Variants in CEMIP2 observed in about 807,000 individuals in gnomAD.
CEMIP2 encodes the protein cell migration inducing hyaluronidase 2.
In CEMIP2, 79 loss-of-function variants were observed where a neutral mutation model predicts 146.9. The observed-to-expected ratio is 0.54, with a 90% confidence interval of 0.45 to 0.65. CEMIP2 has a LOEUF of 0.65. CEMIP2 is among the 30% of genes least tolerant of loss of function. The pLI is 0.00. For synonymous variants in CEMIP2, 601 were observed against 606.3 expected (o/e 0.99, Z 0.13); for missense variants, 1,596 against 1,696.2 (o/e 0.94, Z 1.04).
intron 1 of CEMIP2, among the ~76,000 whole-genome samples, chr9:71,766,556 G>C (rs979705938): frequency 2.0e-5 from 3 of 152,152 alleles, no homozygotes; most frequent in African/African-American, 7.2e-5. Context: ...ATTAGAACAT[G>C]ACTGAAGTGT....
At chr9:71,729,401 C>T (rs1454020658) in intron 10 of CEMIP2, among the ~76,000 whole-genome samples, 2 of 151,806 alleles carry the variant, frequency 1.3e-5, no homozygotes, top group African/African-American at 4.8e-5. Flanking sequence ...AGGCAGATCA[C>T]GAGGTCAGGA....
rs1822002381 is a variant in CEMIP2, at chr9:71,684,719, C to G, written c.*478G>C. On this transcript the variant is annotated 3_prime_UTR_variant, in exon 24 of 24. Coordinates refer to ENST00000377044, the MANE Select transcript of CEMIP2 (RefSeq NM_013390.3). The stretch of plus-strand genomic sequence containing the variant: ...GTCATTCAATATCATAGAAAATCCT[C>G]AAAGGCTGCCCAGAAACAGGGCCCC... 1 of 153,818 alleles carries G rather than the reference C, an allele frequency of 6.5e-6. No homozygotes were observed. The highest frequency in any genetic ancestry group is 1.5e-5 in the Non-Finnish European group (1 of 68,908). The allele number at this position is 153,818 out of a possible 1,614,324, so 9.5% of individuals were successfully genotyped here.
intron 5 of CEMIP2, among the ~76,000 whole-genome samples, chr9:71,736,966 G>A (rs1471602324): frequency 1.3e-5 from 2 of 151,844 alleles, no homozygotes; most frequent in African/African-American, 2.4e-5. Flanking sequence ...ACTGAGTCCA[G>A]GAGACCAGCC....
chr9:71,726,250 G>T (rs141623565), intron 10 of CEMIP2, among the ~76,000 whole-genome samples: 70 of 152,218 alleles, frequency 4.6e-4, no homozygotes, highest in African/African-American at 1.6e-3. Context: ...ACTGTCTCAG[G>T]CTGGGCCCTG....
chr9:71,691,018 G>A (rs993189997), intron 21 of CEMIP2, among the ~76,000 whole-genome samples: 5 of 152,184 alleles, frequency 3.3e-5, no homozygotes, highest in African/African-American at 1.2e-4. Context: ...AAATTATAAA[G>A]TATGCTAAAG....
chr9:71,688,103 C>T (rs749191427), intron 22 of CEMIP2, among the ~76,000 whole-genome samples: 4 of 152,196 alleles, frequency 2.6e-5, no homozygotes, highest in Non-Finnish European at 2.9e-5. Context: ...GCAATCGTCC[C>T]GCCATGGCCT....
chr9:71,695,496 G>A (rs967746075), intron 20 of CEMIP2, among the ~76,000 whole-genome samples: 4 of 152,070 alleles, frequency 2.6e-5, no homozygotes, highest in Admixed American at 6.6e-5. Context: ...TCAACATGGC[G>A]AACTCCAGCC....
Position 71,767,964 on chromosome 9 carries a change from C to T in CEMIP2, c.-13+393G>A, listed in dbSNP as rs142639655. 2.9e-3 allele frequency among the ~76,000 whole-genome samples: 448 copies of T among 152,290 alleles called. 1 individual carries two copies. Among genetic ancestry groups the T allele is most frequent in the Middle Eastern group, 0.01 (3 of 294 alleles). ...GTAATCGGCTTACTGTGGGGTTTAT[C>T]CCCTCACCCCATCCCTCTCCAGAAA... is the stretch of plus-strand genomic sequence containing the variant. On this transcript the variant is annotated intron_variant, in intron 1 of 23. Coordinates refer to ENST00000377044, the MANE Select transcript of CEMIP2 (RefSeq NM_013390.3).
chr9:71,762,836 C>A (rs966125918), intron 1 of CEMIP2, among the ~76,000 whole-genome samples: 17 of 151,944 alleles, frequency 1.1e-4, no homozygotes, highest in African/African-American at 4.1e-4. Context: ...CATGGTGAAA[C>A]CCTATCTCTA....
chr9:71,708,879 A>T (rs1822828010), intron 17 of CEMIP2, among the ~76,000 whole-genome samples: 1 of 152,118 alleles, frequency 6.6e-6, no homozygotes. Context: ...GAGATTACTG[A>T]CCCCAAAAGC....
At position 71,730,039 on chromosome 9, in the gene CEMIP2, A is replaced by G. The variant is rs150360398; in HGVS notation, c.1979+9T>C. ...GACTCATGGGTTTTTCTCTCCGCCA[A>G]TTACTCACATACAGTCAGTAGCAGG... is the stretch of plus-strand genomic sequence containing the variant. On this transcript the variant is annotated intron_variant, in intron 9 of 23. Transcript: ENST00000377044. The G allele has an allele frequency of 2.9e-3, 4,739 of 1,614,090 alleles. 18 individuals are homozygous for G. The highest frequency in any genetic ancestry group is 3.4e-3 in the Non-Finnish European group (4,034 of 1,179,972).
Position 71,717,922 on chromosome 9 carries a change from A to G in CEMIP2, c.2399+26T>C, listed in dbSNP as rs1244984414. The G allele has an allele frequency of 4.4e-6, 7 of 1,591,044 alleles. No homozygotes were observed. In the African/African-American group the frequency reaches 6.8e-5, roughly 15 times the overall value. ...AAAAATAATACATCAGTGTCATCAT[A>G]TAATAACTTGGTAGAGAATACCCAC... On this transcript the variant is annotated intron_variant, in intron 13 of 23. Coordinates refer to ENST00000377044, the MANE Select transcript of CEMIP2 (RefSeq NM_013390.3).
chr9:71,741,612 T>TTTTTTTTC (rs1823917166), intron 4 of CEMIP2, among the ~76,000 whole-genome samples: 2 of 145,440 alleles, frequency 1.4e-5, no homozygotes, highest in Middle Eastern at 3.5e-3. Context: ...AAAACACCAT[T>TTTTTTTTC]ATTTCTTTTT....
At chr9:71,689,169 A>G (rs1470750747) in intron 22 of CEMIP2, among the ~76,000 whole-genome samples, 2 of 152,214 alleles carry the variant, frequency 1.3e-5, no homozygotes, top group African/African-American at 4.8e-5. Context: ...GAGGCTGTAC[A>G]AGTGTCTTAA....
intron 17 of CEMIP2, among the ~76,000 whole-genome samples, chr9:71,707,076 C>A (rs1001137860): frequency 5.3e-5 from 8 of 152,306 alleles, no homozygotes; most frequent in Middle Eastern, 3.4e-3. Flanking sequence ...GATCCACCTG[C>A]CTCAACCTCC....
At chr9:71,731,398 C>G (rs867966708) in intron 7 of CEMIP2, among the ~76,000 whole-genome samples, 1 of 152,158 alleles carries the variant, frequency 6.6e-6, no homozygotes, top group African/African-American at 2.4e-5. Context: ...GATTTTCAAT[C>G]GTATTACTAA....
In CEMIP2 at chr9:71,725,650, C is replaced by T; in HGVS notation, c.2109G>A (p.Gln703=). Residue 703 remains glutamine, a synonymous_variant, in exon 11 of 24, where the codon CAG becomes CAA. Transcript: ENST00000377044. ...GAGTGAGTTCTGGTTTTGCCAAGAGCTGCAATCCACTGGATTCCCCAGTTG... is the reference window on the plus strand; with the variant it reads ...GAGTGAGTTCTGGTTTTGCCAAGAGTTGCAATCCACTGGATTCCCCAGTTG... ...KEPTGESSGL[Q]LLAKPELTPL... is the part of the protein sequence containing the mutation. 6.2e-7 allele frequency: 1 copy of T among 1,614,016 alleles called. No individual in the cohort carries two copies.
chr9:71,766,599 C>T (rs1193665238), intron 1 of CEMIP2, among the ~76,000 whole-genome samples: 3 of 152,196 alleles, frequency 2.0e-5, no homozygotes, highest in Non-Finnish European at 2.9e-5. Flanking sequence ...ATGAATCTGA[C>T]ATTTCTGAAA....
chr9:71,750,213 C>A lies in CEMIP2; in HGVS notation c.161G>T (p.Arg54Leu). 6.2e-7 allele frequency: 1 copy of A among 1,614,060 alleles called. No individual in the cohort carries two copies. Among genetic ancestry groups the A allele is most frequent in the South Asian group, 1.1e-5 (1 of 91,082 alleles). The change falls in exon 2 of 24, where the codon CGA becomes CTA. Residue 54 changes from arginine (R) to leucine (L), a missense_variant. By Grantham distance (102) the Arg-to-Leu change is moderately radical (BLOSUM62 -2). Coordinates refer to ENST00000377044, the MANE Select transcript of CEMIP2 (RefSeq NM_013390.3). Reference sequence around the variant, plus strand: ...GAATGCGAAGGTTGCCCGGTCTTCTCGTCTGATGGAGGTAAATTTGGCTGA... The same window carrying A: ...GAATGCGAAGGTTGCCCGGTCTTCTAGTCTGATGGAGGTAAATTTGGCTGA... ...QASAKFTSIRREDRATFAFSP... is the reference protein window; with the variant it reads ...QASAKFTSIRLEDRATFAFSP...
Sources: allele counts gnomAD v4.1 joint callset (sites outside exome capture counted in the v4.1 genomes callset), GRCh38; gene constraint gnomAD v4.1.1; transcripts MANE v1.5; gene names NCBI Gene and HGNC (gene_info 2026-07-23, HGNC 2026-07-21).